Variants in PFKP observed in about 807,000 individuals in gnomAD.
PFKP encodes the protein ATP-dependent 6-phosphofructokinase, platelet type.
A neutral mutation model predicts 94.3 loss-of-function variants in PFKP; 101 were observed. The ratio of observed to expected loss-of-function variants is 1.07; its 90% confidence interval spans 0.91 to 1.26. PFKP has a LOEUF of 1.26. Among genes scored for constraint, PFKP ranks in the 50% most tolerant of loss-of-function variants. PFKP has a pLI of 0.00. For synonymous variants in PFKP, 573 were observed against 432.6 expected (o/e 1.32, Z -4.03); for missense variants, 1,145 against 1,103.3 (o/e 1.04, Z -0.53).
chr10:3,134,413 T>C lies in PFKP; in HGVS notation c.2023-70T>C, dbSNP rs1158982448. 10 of 880,090 alleles carry C rather than the reference T, an allele frequency of 1.1e-5. No homozygotes were observed. In the Admixed American group the frequency reaches 1.4e-4, roughly 12 times the overall value. 54.5% of individuals were successfully genotyped at this position (880,090 alleles called of 1,614,324 possible). Reference sequence around the variant, plus strand: ...AAACATGAATTCTGCAAAATAGAAATTGTCATTTCTATTTAACAGCAAAGT... The same window carrying C: ...AAACATGAATTCTGCAAAATAGAAACTGTCATTTCTATTTAACAGCAAAGT... On this transcript the variant is annotated intron_variant, in intron 19 of 21. Transcript: ENST00000381125.
intron 1 of PFKP, 123 bp downstream of exon 1, chr10:3,067,830 G>C (rs1018395799): frequency 2.2e-5 from 11 of 491,174 alleles, no homozygotes; most frequent in African/African-American, 2.2e-4. Context: ...CCGGGGAAAG[G>C]TGGCGAAGCG....
At chr10:3,117,277 C>T (rs532078999) in intron 14 of PFKP, among the ~76,000 whole-genome samples, 1 of 152,214 alleles carries the variant, frequency 6.6e-6, no homozygotes, top group South Asian at 2.1e-4. Context: ...TTTCCACAGC[C>T]GAGGAAAGGA....
Position 3,068,422 on chromosome 10 carries a change from C to A in PFKP, c.112+715C>A, listed in dbSNP as rs892110242. 2.6e-5 allele frequency among the ~76,000 whole-genome samples: 4 copies of A among 152,332 alleles called. 1 individual carries two copies. The highest frequency in any genetic ancestry group is 4.1e-4 in the South Asian group (2 of 4,832). On this transcript the variant is annotated intron_variant, in intron 1 of 21. Coordinates refer to ENST00000381125, the MANE Select transcript of PFKP (RefSeq NM_002627.5). ...CTGCGCTCGCATGTGCTGTCGCCTT[C>A]CGGCTCGTGACAAAAACGAAAACCA...
chr10:3,083,479 A>G (rs1833245988), intron 2 of PFKP, among the ~76,000 whole-genome samples: 1 of 152,242 alleles, frequency 6.6e-6, no homozygotes, highest in South Asian at 2.1e-4. Context: ...AATGGCTATT[A>G]GTGTTTTAGT....
intron 1 of PFKP, among the ~76,000 whole-genome samples, chr10:3,077,261 C>CTTTTTTTTTTTTTTTTTTTTTTTTT (rs34485324): frequency 5.9e-5 from 5 of 84,238 alleles, no homozygotes; most frequent in Non-Finnish European, 8.4e-5. Context: ...TTTTTTTTTT[C>CTTTTTTTTTTTTTTTTTTTTTTTTT]TTTTTTTTTT....
chr10:3,101,230 T>C, intron 3 of PFKP, 135 bp from the exon 4 acceptor site: 6 of 786,502 alleles, frequency 7.6e-6, no homozygotes, highest in Non-Finnish European at 1.2e-5. Context: ...CTTTCATAGC[T>C]AGTTACTAAC....
chr10:3,134,636 T>C (rs1839015197), intron 20 of PFKP, 54 bp downstream of exon 20: 4 of 1,139,548 alleles, frequency 3.5e-6, no homozygotes, highest in Non-Finnish European at 5.3e-6. Context: ...CGTCCTGCCT[T>C]GGTGAAAATG....
chr10:3,090,593 C>T (rs1833968138), intron 2 of PFKP, among the ~76,000 whole-genome samples: 1 of 151,984 alleles, frequency 6.6e-6, no homozygotes, highest in Non-Finnish European at 1.5e-5. Context: ...TACCCACAGG[C>T]TGGGCTTCTC....
intron 1 of PFKP, among the ~76,000 whole-genome samples, chr10:3,081,289 G>T (rs760778216): frequency 6.6e-5 from 10 of 152,152 alleles, no homozygotes; most frequent in African/African-American, 2.2e-4. Flanking sequence ...CTTCTGAGCC[G>T]GTCACCGTCC....
intron 1 of PFKP, chr10:3,068,503 G>T (rs1033891458): frequency 5.3e-6 from 1 of 188,026 alleles, no homozygotes; most frequent in African/African-American, 2.4e-5. Context: ...ATCAGGAAGC[G>T]GGGACTCCGG....
At chr10:3,134,199 C>T (rs1588583898) in intron 19 of PFKP, among the ~76,000 whole-genome samples, 1 of 152,322 alleles carries the variant, frequency 6.6e-6, no homozygotes, top group East Asian at 1.9e-4. Flanking sequence ...ATCCCCAGCT[C>T]AGATGAGTTC....
chr10:3,082,361 T>G, intron 1 of PFKP, 27 bp from the exon 2 acceptor site: 1 of 1,578,330 alleles, frequency 6.3e-7, no homozygotes, highest in Non-Finnish European at 8.7e-7. Flanking sequence ...GGCTCTTCAG[T>G]GACTCTTGCT....
At chr10:3,072,856 A>C (rs1367724659) in intron 1 of PFKP, among the ~76,000 whole-genome samples, 1 of 151,968 alleles carries the variant, frequency 6.6e-6, no homozygotes, top group Non-Finnish European at 1.5e-5. Context: ...AGGATACCAG[A>C]TTGCACGTTC....
At position 3,098,024 on chromosome 10, in the gene PFKP, T is replaced by A. The variant is rs113333912; in HGVS notation, c.187-1251T>A. Reference sequence around the variant, plus strand: ...ACTCTGTCTCAAAAATAAAATAAAATAAACACACATATATATATAATATTT... The same window carrying A: ...ACTCTGTCTCAAAAATAAAATAAAAAAAACACACATATATATATAATATTT... On this transcript the variant is annotated intron_variant, in intron 2 of 21. Transcript: ENST00000381125. 5.8e-3 allele frequency among the ~76,000 whole-genome samples: 870 copies of A among 150,374 alleles called. 27 individuals are homozygous for A. The highest frequency in any genetic ancestry group is 0.021 in the African/African-American group (832 of 39,814).
rs1385835596 is a variant in PFKP at position 3,125,322 on chromosome 10, A to T, written c.1684-4497A>T. ...GCAACTTGTTTCTTCTGTGCTAAGG[A>T]TGAGCCGGATTTATTCTTCTTCTTT... On this transcript the variant is annotated intron_variant, in intron 16 of 21. Transcript: ENST00000381125. 3.9e-6 allele frequency: 4 copies of T among 1,038,212 alleles called. No individual in the cohort carries two copies. The Admixed American group carries it at 1.7e-4, about 43-fold the overall frequency. 64.3% of individuals were successfully genotyped at this position (1,038,212 alleles called of 1,614,324 possible).
chr10:3,112,461 G>A (rs1432336236), intron 11 of PFKP, among the ~76,000 whole-genome samples, 175 bp downstream of exon 11: 1 of 152,212 alleles, frequency 6.6e-6, no homozygotes, highest in Non-Finnish European at 1.5e-5. Context: ...TGGTTAGAGA[G>A]AAATCATTTT....
chr10:3,082,590 T>G, intron 2 of PFKP, 129 bp downstream of exon 2: 1 of 535,180 alleles, frequency 1.9e-6, no homozygotes, highest in Admixed American at 3.6e-5. Flanking sequence ...GGGAGCAAGA[T>G]CCTGCCAGCC....
At position 3,133,244 on chromosome 10, in the gene PFKP, A is replaced by C. The variant is rs770782878; in HGVS notation, c.1952A>C (p.Tyr651Ser). 1.9e-6 allele frequency: 3 copies of C among 1,614,120 alleles called. No individual in the cohort carries two copies. The highest frequency in any genetic ancestry group is 2.5e-6 in the Non-Finnish European group (3 of 1,179,950). ...CSENYTTDFIYQLYSEEGKGV... is the reference protein window; with the variant it reads ...CSENYTTDFISQLYSEEGKGV... ...GAAAACTACACCACCGACTTCATTT[A>C]CCAGCTGTATTCAGAAGAGGGCAAA... is the stretch of plus-strand genomic sequence containing the variant. The change falls in exon 19 of 22, where the codon TAC (tyrosine) becomes TCC (serine). Residue 651 changes from tyrosine to serine, a missense_variant. Transcript: ENST00000381125.
At chr10:3,133,173 A>T (rs1471800411) in intron 18 of PFKP, 30 bp from the exon 19 acceptor site, 1 of 1,570,596 alleles carries the variant, frequency 6.4e-7, no homozygotes, top group Admixed American at 1.7e-5. Flanking sequence ...CTGCACGCTA[A>T]ACAAAGTGAC....
Sources: allele counts gnomAD v4.1 joint callset (sites outside exome capture counted in the v4.1 genomes callset), GRCh38; gene constraint gnomAD v4.1.1; transcripts MANE v1.5; gene names NCBI Gene and HGNC (gene_info 2026-07-23, HGNC 2026-07-21).